CCDC38: variants seen among roughly 807,000 people sequenced by gnomAD.
CCDC38 encodes coiled-coil domain-containing protein 38.
In CCDC38, 69 loss-of-function variants were observed where a neutral mutation model predicts 72.8. That is an observed-to-expected ratio of 0.95 (90% confidence interval 0.78 to 1.16). The LOEUF is 1.16. Among genes scored for constraint, CCDC38 ranks in the 50% most tolerant of loss-of-function variants. The pLI is 0.00. For missense variants in CCDC38, 626 were observed against 638.9 expected, an observed-to-expected ratio of 0.98 and a Z score of 0.22; for synonymous variants, 201 against 213.2, an observed-to-expected ratio of 0.94 and a Z score of 0.50.
intron 10 of CCDC38, among the ~76,000 whole-genome samples, chr12:95,884,765 T>C (rs2079738575): frequency 6.6e-6 from 1 of 152,280 alleles, no homozygotes; most frequent in South Asian, 2.1e-4. Flanking sequence ...TCCCTGTGTC[T>C]CAGTGTCTCT....
chr12:95,894,972 G>C lies in CCDC38; in HGVS notation c.772+17C>G. 6.3e-7 allele frequency: 1 copy of C among 1,582,260 alleles called. No individual in the cohort carries two copies. The highest frequency in any genetic ancestry group is 8.6e-7 in the Non-Finnish European group (1 of 1,162,042). On this transcript the variant is annotated intron_variant, in intron 8 of 15. Coordinates refer to ENST00000344280, the MANE Select transcript of CCDC38 (RefSeq NM_182496.3). ...TAGGGATATTTAGTTCATGAAAGTT[G>C]AGTATAAGTAACTTACTTGCTAATA...
chr12:95,932,515 G>A (rs987744791), intron 2 of CCDC38, among the ~76,000 whole-genome samples: 11 of 151,738 alleles, frequency 7.2e-5, no homozygotes, highest in Non-Finnish European at 1.3e-4. Context: ...GTCTCCAATC[G>A]TACTGATGTA....
At chr12:95,907,561 C>A (rs2080022727) in intron 4 of CCDC38, among the ~76,000 whole-genome samples, 1 of 134,440 alleles carries the variant, frequency 7.4e-6, no homozygotes, top group African/African-American at 3.0e-5. Flanking sequence ...CCGGACGAGG[C>A]GGCTGGCCAG....
chr12:95,935,651 A>G (rs1017986106), intron 2 of CCDC38: 3 of 168,840 alleles, frequency 1.8e-5, no homozygotes, highest in African/African-American at 7.1e-5. Context: ...GAGAATGCCT[A>G]TAGAGAGCCT....
Position 95,898,449 on chromosome 12 carries a change from T to C in CCDC38, c.550A>G (p.Ile184Val). 1 of 1,614,224 alleles carries C rather than the reference T, an allele frequency of 6.2e-7. No individual in the cohort carries two copies. Among genetic ancestry groups the C allele is most frequent in the Non-Finnish European group, 8.5e-7 (1 of 1,180,040 alleles). ...TCTGCTGTCATTTGGAGTTTGTTTA[T>C]TGTTTCCTGTGCTGCCCTGAAAAGC... Reference protein sequence around the residue: ...DALKMAAQETINKLQMTAELK... With the variant: ...DALKMAAQETVNKLQMTAELK... The change falls in exon 7 of 16, where the codon ATA (isoleucine) becomes GTA (valine). Residue 184 changes from isoleucine (I) to valine (V), a missense_variant. Transcript: ENST00000344280.
At chr12:95,917,046 A>T in intron 4 of CCDC38, 83 bp downstream of exon 4, 2 of 1,029,762 alleles carry the variant, frequency 1.9e-6, no homozygotes, top group Non-Finnish European at 2.8e-6. Context: ...TGTCTGTTTT[A>T]ATCACCCTCC....
At chr12:95,936,916 A>G (rs1176057495) in intron 1 of CCDC38, among the ~76,000 whole-genome samples, 1 of 152,204 alleles carries the variant, frequency 6.6e-6, no homozygotes, top group African/African-American at 2.4e-5. Flanking sequence ...TGCATGCAAA[A>G]ATCTGAGAGG....
chr12:95,893,979 T>C (rs892730116), intron 8 of CCDC38, among the ~76,000 whole-genome samples: 2 of 152,246 alleles, frequency 1.3e-5, no homozygotes, highest in African/African-American at 2.4e-5. Flanking sequence ...TAATAAAACA[T>C]GACGGCCGAG....
At chr12:95,912,024 AC>A (rs1311455636) in intron 4 of CCDC38, among the ~76,000 whole-genome samples, 3 of 152,256 alleles carry the variant, frequency 2.0e-5, no homozygotes, top group Non-Finnish European at 4.4e-5. Context: ...ACCATGGAAT[AC>A]TATGCAGCCA....
chr12:95,877,121 T>G (rs2079644360), intron 13 of CCDC38, among the ~76,000 whole-genome samples: 1 of 152,190 alleles, frequency 6.6e-6, no homozygotes, highest in Non-Finnish European at 1.5e-5. Context: ...CTGAAGGAAC[T>G]ACCCAAACCT....
At chr12:95,888,626 T>G (rs1367715124) in intron 9 of CCDC38, 120 bp from the exon 10 acceptor site, 2 of 762,792 alleles carry the variant, frequency 2.6e-6, no homozygotes, top group East Asian at 2.5e-5. Context: ...TGCACAGACA[T>G]GCCCATTACT....
chr12:95,876,269 A>C (rs1402274891), intron 13 of CCDC38, among the ~76,000 whole-genome samples: 1 of 152,194 alleles, frequency 6.6e-6, no homozygotes, highest in African/African-American at 2.4e-5. Flanking sequence ...ACGAAGTAAA[A>C]TGGTGGTTGC....
intron 9 of CCDC38, chr12:95,889,141 C>T (rs762301631): frequency 1.9e-4 from 28 of 149,992 alleles, no homozygotes; most frequent in Non-Finnish European, 3.1e-4. Flanking sequence ...CAGGTTCAAG[C>T]GATTCTCCTG....
At chr12:95,907,890 G>A (rs564373290) in intron 4 of CCDC38, among the ~76,000 whole-genome samples, 5 of 150,944 alleles carry the variant, frequency 3.3e-5, no homozygotes, top group South Asian at 2.1e-4. Flanking sequence ...GATGGCGGCC[G>A]GGAAGAGGCG....
intron 4 of CCDC38, among the ~76,000 whole-genome samples, chr12:95,916,093 C>T (rs551281877): frequency 1.8e-4 from 27 of 152,282 alleles, no homozygotes; most frequent in Non-Finnish European, 2.9e-4. Flanking sequence ...TACCACTCTA[C>T]GGAGGCGAAC....
At position 95,891,049 on chromosome 12, in the gene CCDC38, A is replaced by G. The variant is rs558797702; in HGVS notation, c.773-119T>C. ...AGTTATTGTCAAAACTTCCAGGGAC[A>G]GAAATATAAGTTGGAGACATTATCA... On this transcript the variant is annotated intron_variant, in intron 8 of 15. Transcript: ENST00000344280. 11 of 588,910 alleles carry G rather than the reference A, an allele frequency of 1.9e-5. No homozygotes were observed. In the East Asian group the frequency reaches 2.0e-4, roughly 11 times the overall value. The allele number at this position is 588,910 out of a possible 1,614,324, so 36.5% of individuals were successfully genotyped here. A position where few individuals can be genotyped will look rare whatever the true frequency, so the allele number is the denominator to read the frequency against.
Position 95,887,833 on chromosome 12 carries a change from CA to C in CCDC38, c.920+624del, listed in dbSNP as rs536237725. The stretch of plus-strand genomic sequence containing the variant: ...CGATCTCAAAATGAACATTTAATTA[CA>C]AAAAAATCTGTGCCAAATGCCACAG... On this transcript the variant is annotated intron_variant, in intron 10 of 15. Coordinates refer to ENST00000344280, the MANE Select transcript of CCDC38 (RefSeq NM_182496.3). Among the ~76,000 whole-genome samples, 268 of 152,168 alleles carry C rather than the reference CA, an allele frequency of 1.8e-3. 1 individual carries two copies. Among genetic ancestry groups the C allele is most frequent in the African/African-American group, 5.5e-3 (227 of 41,546 alleles).
At chr12:95,874,200 A>G (rs2079611749) in intron 13 of CCDC38, among the ~76,000 whole-genome samples, 1 of 152,262 alleles carries the variant, frequency 6.6e-6, no homozygotes, top group Admixed American at 6.5e-5. Flanking sequence ...ACACTGCTGC[A>G]ATGTGAGTCA....
At chr12:95,913,819 G>A (rs2080118319) in intron 4 of CCDC38, among the ~76,000 whole-genome samples, 1 of 151,796 alleles carries the variant, frequency 6.6e-6, no homozygotes, top group African/African-American at 2.4e-5. Flanking sequence ...AATGTTAATT[G>A]GGAGGTAAAA....
Sources: gnomAD v4.1 joint callset for allele counts (sites outside exome capture counted in the v4.1 genomes callset) on GRCh38, gnomAD v4.1.1 for gene constraint, MANE v1.5 for transcripts, NCBI Gene and HGNC (gene_info 2026-07-23, HGNC 2026-07-21) for gene names.